Variants in ULK4 observed in about 807,000 individuals in gnomAD.
ULK4 encodes the protein inactive serine/threonine-protein kinase ULK4.
In ULK4, 133 loss-of-function variants were observed where a neutral mutation model predicts 160.6. That is an observed-to-expected ratio of 0.83 (90% CI 0.72 to 0.96). The LOEUF (loss-of-function observed/expected upper bound fraction) is 0.96. Among genes scored for constraint, ULK4 ranks in the 40% least tolerant of loss-of-function variants. The pLI, the probability that ULK4 is intolerant of heterozygous loss-of-function variation, is 0.00. For synonymous variants in ULK4, 534 were observed against 539.8 expected, an observed-to-expected ratio of 0.99 and a Z score of 0.15; for missense variants, 1,580 against 1,499.5, an observed-to-expected ratio of 1.05 and a Z score of -0.89.
rs1188050684 is a variant in ULK4 at position 41,750,972 on chromosome 3, AAGAGAGAGAGAGAAAG to A, written c.2321+3373_2321+3388del. Among the ~76,000 whole-genome samples, 979 of 136,012 alleles carry A rather than the reference AAGAGAGAGAGAGAAAG, an allele frequency of 7.2e-3. 6 individuals carry two copies. Among genetic ancestry groups the A allele is most frequent in the African/African-American group, 0.026 (943 of 35,748 alleles). The allele number at this position is 136,012 out of a possible 152,430, so 89.2% of individuals were successfully genotyped here. Reference sequence around the variant, plus strand: ...GTGAGACTCCACCTCAAAAAAAAAAAAGAGAGAGAGAGAAAGAGAGAGAGAGAGGAAGGGAGGGAAG... The same window carrying A: ...GTGAGACTCCACCTCAAAAAAAAAAAAGAGAGAGAGAGGAAGGGAGGGAAG... On this transcript the variant is annotated intron_variant, in intron 22 of 36. Coordinates refer to ENST00000301831, the MANE Select transcript of ULK4 (RefSeq NM_017886.4).
intron 17 of ULK4, among the ~76,000 whole-genome samples, chr3:41,866,191 A>G (rs2125688834): frequency 6.6e-6 from 1 of 152,322 alleles, no homozygotes; most frequent in East Asian, 1.9e-4. Context: ...CTCATCTACC[A>G]CCACATGCAA....
At chr3:41,276,736 C>T (rs913326799) in intron 35 of ULK4, among the ~76,000 whole-genome samples, 4 of 152,250 alleles carry the variant, frequency 2.6e-5, no homozygotes, top group African/African-American at 9.6e-5. Flanking sequence ...TCCTGCAAAT[C>T]AATAAGTATA....
In ULK4 at chr3:41,644,828, T is replaced by C. The variant is rs535910889; in HGVS notation, c.3071+18779A>G. Among the ~76,000 whole-genome samples the C allele has an allele frequency of 6.6e-5, 10 of 152,286 alleles. No individual in the cohort carries two copies. The South Asian group carries it at 2.1e-3, about 32-fold the overall frequency. On this transcript the variant is annotated intron_variant, in intron 30 of 36. Coordinates refer to ENST00000301831, the MANE Select transcript of ULK4 (RefSeq NM_017886.4). ...GCTGTGAATCCATCTGGTCCTGGAC[T>C]CTTTTTGGTTGGTAAGCTATTGATT... is the stretch of plus-strand genomic sequence containing the variant.
chr3:41,842,184 A>T (rs1048351876), intron 17 of ULK4, among the ~76,000 whole-genome samples: 6 of 142,096 alleles, frequency 4.2e-5, no homozygotes, highest in Admixed American at 6.8e-5. Flanking sequence ...CATGTAAAAA[A>T]AAAAATAAAA....
At chr3:41,470,933 C>T (rs1289183832) in intron 32 of ULK4, among the ~76,000 whole-genome samples, 10 of 151,992 alleles carry the variant, frequency 6.6e-5, no homozygotes, top group Admixed American at 5.9e-4. Context: ...AGAAGCAAAA[C>T]AACCAGAAAA....
chr3:41,678,177 TACACACACACACACACACACACAC>T (rs752843326), intron 29 of ULK4, among the ~76,000 whole-genome samples: 11 of 123,134 alleles, frequency 8.9e-5, no homozygotes, highest in East Asian at 2.5e-4. Flanking sequence ...CTTTATTTCA[TACACACACACACACACACACACAC>T]ACACACACAC....
intron 35 of ULK4, among the ~76,000 whole-genome samples, chr3:41,396,028 AT>A (rs1376271001): frequency 1.3e-5 from 2 of 152,138 alleles, no homozygotes; most frequent in Non-Finnish European, 2.9e-5. Context: ...TGTATGATTA[AT>A]TTGATCAGTG....
In ULK4 at chr3:41,331,690, C is replaced by T. The variant is rs568352231; in HGVS notation, c.3678+66389G>A. Among the ~76,000 whole-genome samples, 5 of 152,326 alleles carry T rather than the reference C, an allele frequency of 3.3e-5. No homozygotes were observed. The East Asian group carries it at 9.6e-4, about 29-fold the overall frequency. On this transcript the variant is annotated intron_variant, in intron 35 of 36. Coordinates refer to ENST00000301831, the MANE Select transcript of ULK4 (RefSeq NM_017886.4). ...ATCCTCTTCCCTCACCACTCACCAT[C>T]ATCTTTGCCAAATTCACAGAATCTC...
intron 22 of ULK4, among the ~76,000 whole-genome samples, chr3:41,751,784 G>A (rs999080671): frequency 7.9e-5 from 12 of 152,206 alleles, no homozygotes; most frequent in African/African-American, 2.9e-4. Context: ...ACCTTGGACA[G>A]AGACTTGAAT....
In ULK4 at chr3:41,404,378, A is replaced by G. The variant is rs540379705; in HGVS notation, c.3493-6114T>C. On this transcript the variant is annotated intron_variant, in intron 34 of 36. Coordinates refer to ENST00000301831, the MANE Select transcript of ULK4 (RefSeq NM_017886.4). ...GGTAATTTTCCCTGCTCTGAAGTGTACTTTATCTGATATTAATATAACCAC... is the reference window on the plus strand; with the variant it reads ...GGTAATTTTCCCTGCTCTGAAGTGTGCTTTATCTGATATTAATATAACCAC... Among the ~76,000 whole-genome samples, 70 of 152,140 alleles carry G rather than the reference A, an allele frequency of 4.6e-4. 1 individual carries two copies. In the South Asian group the frequency reaches 0.015, roughly 32 times the overall value.
chr3:41,789,822 G>A lies in ULK4; in HGVS notation c.2032C>T (p.His678Tyr), dbSNP rs753077961. 5 of 1,611,470 alleles carry A rather than the reference G, an allele frequency of 3.1e-6. No individual in the cohort carries two copies. In the South Asian group the frequency reaches 5.5e-5, roughly 18 times the overall value. Residue 678 changes from histidine (H) to tyrosine (Y), a missense_variant, in exon 21 of 37, where the codon CAT becomes TAT. Physicochemically the swap from His to Tyr is moderately conservative, Grantham distance 83. Coordinates refer to ENST00000301831, the MANE Select transcript of ULK4 (RefSeq NM_017886.4). Reference sequence around the variant, plus strand: ...ACATTCTGGAAGGCAGTAGGAGAATGGCGAGTGATTCTACACAAGGCCTAC... The same window carrying A: ...ACATTCTGGAAGGCAGTAGGAGAATAGCGAGTGATTCTACACAAGGCCTAC... ...AVSALCRITR[H>Y]SPTAFQNVIE...
chr3:41,644,404 G>A (rs1381497989), intron 30 of ULK4, among the ~76,000 whole-genome samples: 2 of 151,832 alleles, frequency 1.3e-5, no homozygotes, highest in African/African-American at 4.8e-5. Context: ...TAGCATGAAG[G>A]GTTGTTGAAT....
rs201284913 is a variant in ULK4 at position 41,341,746 on chromosome 3, GC to G, written c.3678+56332del. Among the ~76,000 whole-genome samples the G allele has an allele frequency of 6.2e-3, 945 of 152,268 alleles. 10 individuals carry two copies. Among genetic ancestry groups the G allele is most frequent in the African/African-American group, 0.022 (905 of 41,566 alleles). On this transcript the variant is annotated intron_variant, in intron 35 of 36. Coordinates refer to ENST00000301831, the MANE Select transcript of ULK4 (RefSeq NM_017886.4). ...GGTCCTACAGGCTCCAAACCAGAAA[GC>G]CCTGCTAAGCATCCCCACGGAGACC...
intron 35 of ULK4, among the ~76,000 whole-genome samples, chr3:41,291,068 T>G (rs1212665014): frequency 1.3e-5 from 2 of 152,122 alleles, no homozygotes; most frequent in African/African-American, 4.8e-5. Context: ...TTTGTTTTTG[T>G]TTTTGGTTCG....
chr3:41,723,006 C>T (rs1462633979), intron 22 of ULK4, among the ~76,000 whole-genome samples: 1 of 152,024 alleles, frequency 6.6e-6, no homozygotes, highest in African/African-American at 2.4e-5. Context: ...AGTGGTTGTC[C>T]CAATTTATTC....
chr3:41,574,342 C>T (rs77168606), intron 31 of ULK4, among the ~76,000 whole-genome samples: 370 of 152,122 alleles, frequency 2.4e-3, no homozygotes, highest in East Asian at 0.013. Context: ...CTACTGCCTC[C>T]CTATTGTTCC....
intron 12 of ULK4, among the ~76,000 whole-genome samples, chr3:41,904,797 A>C (rs1698495651): frequency 6.6e-6 from 1 of 152,256 alleles, no homozygotes; most frequent in Non-Finnish European, 1.5e-5. Flanking sequence ...ACTTAGAATT[A>C]ATTCAAAGTA....
intron 17 of ULK4, among the ~76,000 whole-genome samples, chr3:41,866,159 A>T (rs1019149749): frequency 6.6e-6 from 1 of 152,212 alleles, no homozygotes; most frequent in Admixed American, 6.5e-5. Flanking sequence ...CCCTCAATTG[A>T]GTTGGTCCAC....
chr3:41,480,608 T>C (rs2084290725), intron 32 of ULK4, among the ~76,000 whole-genome samples: 1 of 152,236 alleles, frequency 6.6e-6, no homozygotes, highest in Non-Finnish European at 1.5e-5. Context: ...ATAACATTTT[T>C]TTCTCTAGTT....
Sources: gnomAD v4.1 joint callset for allele counts (sites outside exome capture counted in the v4.1 genomes callset) on GRCh38, gnomAD v4.1.1 for gene constraint, MANE v1.5 for transcripts, NCBI Gene and HGNC (gene_info 2026-07-23, HGNC 2026-07-21) for gene names.